The following ABCA1 variants were observed in gnomAD, a reference collection of about 807,000 sequenced individuals.
ABCA1 encodes the protein phospholipid-transporting ATPase ABCA1.
In ABCA1, 133 loss-of-function variants were observed where a neutral mutation model predicts 262.5. That is an observed-to-expected ratio of 0.51 (90% CI 0.44 to 0.59). The LOEUF is 0.59. Among genes scored for constraint, ABCA1 ranks in the 20% least tolerant of loss-of-function variants. The pLI, the probability that ABCA1 is intolerant of heterozygous loss-of-function variation, is 0.00. For missense variants in ABCA1, 2,452 were observed against 2,777.5 expected (o/e 0.88, Z 2.63); for synonymous variants, 1,022 against 1,043.5 (o/e 0.98, Z 0.40).
At position 104,836,989 on chromosome 9, in the gene ABCA1, G is replaced by C. The variant is rs372030899; in HGVS notation, c.1302C>G (p.Asp434Glu). 3 of 1,613,468 alleles carry C rather than the reference G, an allele frequency of 1.9e-6. No individual in the cohort carries two copies. The highest frequency in any genetic ancestry group is 2.5e-6 in the Non-Finnish European group (3 of 1,179,398). The change falls in exon 11 of 50, where the codon GAC (aspartate) becomes GAG (glutamate). Residue 434 changes from aspartate to glutamate, a missense_variant. Physicochemically the swap from Asp to Glu is conservative, Grantham distance 45. This residue lies in a region of ABCA1 where 1,032 missense variants were observed against 1,089.7 expected (regional missense o/e 0.95). Coordinates refer to ENST00000374736, the MANE Select transcript of ABCA1 (RefSeq NM_005502.4). ...WTFMENSQEM[D>E]LVRMLLDSRD... ...TGGGAGGGACACTCACCCGGACAAGGTCCATTTCTTGGCTGTTCTCCATGA... is the reference window on the plus strand; with the variant it reads ...TGGGAGGGACACTCACCCGGACAAGCTCCATTTCTTGGCTGTTCTCCATGA...
At position 104,808,122 on chromosome 9, in the gene ABCA1, A is replaced by C. The variant is rs536486219; in HGVS notation, c.4274+1344T>G. Among the ~76,000 whole-genome samples, 8 of 152,076 alleles carry C rather than the reference A, an allele frequency of 5.3e-5. No homozygotes were observed. In the South Asian group the frequency reaches 1.5e-3, roughly 28 times the overall value. ...CTGTCAAATTTCCTTCAGGTCCACC[A>C]TTTTTTTGCAAAACCTAAAAATTTG... On this transcript the variant is annotated intron_variant, in intron 30 of 49. Coordinates refer to ENST00000374736, the MANE Select transcript of ABCA1 (RefSeq NM_005502.4).
chr9:104,804,561 T>C lies in ABCA1; in HGVS notation c.4559+65A>G, dbSNP rs531928903. On this transcript the variant is annotated intron_variant, in intron 32 of 49. Transcript: ENST00000374736. The stretch of plus-strand genomic sequence containing the variant: ...TTCCCCCACTGTTTCAGTCTGTTAT[T>C]TGTAGGTCTTTAATTCCTCTAATTA... The C allele has an allele frequency of 2.5e-5, 32 of 1,260,326 alleles. No individual in the cohort carries two copies. The African/African-American group carries it at 4.1e-4, about 16-fold the overall frequency. 78.1% of individuals were successfully genotyped at this position (1,260,326 alleles called of 1,614,324 possible).
At chr9:104,832,801 TA>T (rs764698044) in intron 11 of ABCA1, 30 bp from the exon 12 acceptor site, 1 of 1,604,790 alleles carries the variant, frequency 6.2e-7, no homozygotes, top group Non-Finnish European at 8.5e-7. Context: ...GTACAAGTAG[TA>T]AACACCAACT....
At chr9:104,848,174 T>G (rs1656802966) in intron 7 of ABCA1, among the ~76,000 whole-genome samples, 1 of 152,228 alleles carries the variant, frequency 6.6e-6, no homozygotes, top group African/African-American at 2.4e-5. Context: ...AGAAGTGACT[T>G]AATTTAAAAA....
intron 5 of ABCA1, among the ~76,000 whole-genome samples, chr9:104,880,163 A>C (rs1838503668): frequency 6.6e-6 from 1 of 152,196 alleles, no homozygotes; most frequent in South Asian, 2.1e-4. Flanking sequence ...ACAAAGCTCC[A>C]AACCAGATCA....
chr9:104,874,445 A>T (rs1330292578), intron 5 of ABCA1, among the ~76,000 whole-genome samples: 1 of 152,104 alleles, frequency 6.6e-6, no homozygotes, highest in Non-Finnish European at 1.5e-5. Context: ...AGTGCCTGTA[A>T]TCCCAGCTAT....
chr9:104,860,551 C>T (rs2472437), intron 6 of ABCA1, among the ~76,000 whole-genome samples: 58,080 of 151,798 alleles, frequency 0.38, 12,986 homozygotes, highest in African/African-American at 0.63. Flanking sequence ...TATGCAGACA[C>T]GAGATAGGGG....
chr9:104,802,042 T>C lies in ABCA1; in HGVS notation c.4698+12A>G, dbSNP rs752916366. On this transcript the variant is annotated intron_variant, in intron 34 of 49. Transcript: ENST00000374736. ...CCCATTTTTCTGATACATCTTACGA[T>C]AGATATTTTACCTTGGCCAGCTTTA... is the stretch of plus-strand genomic sequence containing the variant. 1.2e-5 allele frequency: 19 copies of C among 1,612,590 alleles called. No homozygotes were observed. The highest frequency in any genetic ancestry group is 5.0e-5 in the Admixed American group (3 of 60,006).
intron 18 of ABCA1, 115 bp downstream of exon 18, chr9:104,824,350 C>T: frequency 2.6e-6 from 4 of 1,550,538 alleles, no homozygotes; most frequent in Non-Finnish European, 3.5e-6. Flanking sequence ...GATTTCTCTG[C>T]CCCTGGAGTG....
chr9:104,786,320 T>C lies in ABCA1; in HGVS notation c.6379A>G (p.Ser2127Gly), dbSNP rs1201534366. Reference sequence around the variant, plus strand: ...TACCTATTTTTTAGATGCTGGACACTGCCAAGGCACCTGAACCTTCCATTG... The same window carrying C: ...TACCTATTTTTTAGATGCTGGACACCGCCAAGGCACCTGAACCTTCCATTG... ...MVNGRFRCLG[S>G]VQHLKNRFGD... is the part of the protein sequence containing the mutation. The change falls in exon 48 of 50, where the codon AGT becomes GGT. Residue 2127 changes from serine to glycine, a missense_variant. Physicochemically the swap from Ser to Gly is moderately conservative, Grantham distance 56 (BLOSUM62 0). This residue lies in a region of ABCA1 where 752 missense variants were observed against 944.5 expected (regional missense o/e 0.80). Transcript: ENST00000374736. The C allele has an allele frequency of 1.4e-5, 22 of 1,614,000 alleles. No homozygotes were observed. The highest frequency in any genetic ancestry group is 2.7e-5 in the African/African-American group (2 of 74,938).
intron 2 of ABCA1, among the ~76,000 whole-genome samples, chr9:104,891,081 G>A (rs1252304394): frequency 6.6e-6 from 1 of 152,088 alleles, no homozygotes; most frequent in Non-Finnish European, 1.5e-5. Context: ...AACATGTCCT[G>A]TAATGTCTAC....
At chr9:104,923,576 A>G (rs1842263673) in intron 1 of ABCA1, among the ~76,000 whole-genome samples, 1 of 152,224 alleles carries the variant, frequency 6.6e-6, no homozygotes, top group East Asian at 1.9e-4. Context: ...CATCCTTGAA[A>G]AGCTCCCTGG....
chr9:104,815,832 TAAGTA>T (rs1831703169), intron 25 of ABCA1, among the ~76,000 whole-genome samples: 1 of 152,170 alleles, frequency 6.6e-6, no homozygotes, highest in African/African-American at 2.4e-5. Flanking sequence ...ACACTGTACT[TAAGTA>T]AAGAGGCTCA....
intron 40 of ABCA1, among the ~76,000 whole-genome samples, chr9:104,794,185 A>G (rs909335531): frequency 2.0e-5 from 3 of 152,212 alleles, no homozygotes; most frequent in Admixed American, 6.5e-5. Context: ...TCTCAATGCT[A>G]TCAGAGACAC....
At position 104,825,869 on chromosome 9, in the gene ABCA1, C is replaced by G; in HGVS notation, c.2356G>C (p.Ala786Pro). The G allele has an allele frequency of 5.6e-6, 9 of 1,614,130 alleles. No individual in the cohort carries two copies. Among genetic ancestry groups the G allele is most frequent in the Non-Finnish European group, 7.6e-6 (9 of 1,180,038 alleles). ...AAGTACTCACAGCCAAACCCAAAAG[C>G]CACAGGAGACAGCAGGCTCTGTGAG... ...KIFASLLSPV[A>P]FGFGCEYFAL... is the part of the protein sequence containing the mutation. Residue 786 changes from alanine to proline, a missense_variant, in exon 17 of 50, where the codon GCT becomes CCT. By Grantham distance (27) the Ala-to-Pro change is conservative. Transcript: ENST00000374736.
chr9:104,922,241 C>G lies in ABCA1; in HGVS notation c.-93+5694G>C, dbSNP rs578127876. ...CAATTTTATGTAAGCTTTTCATTCTCTGGCCTCAAGTATTTCTAAAATGTA... is the reference window on the plus strand; with the variant it reads ...CAATTTTATGTAAGCTTTTCATTCTGTGGCCTCAAGTATTTCTAAAATGTA... On this transcript the variant is annotated intron_variant, in intron 1 of 49. Transcript: ENST00000374736. 2.0e-5 allele frequency among the ~76,000 whole-genome samples: 3 copies of G among 152,340 alleles called. No individual in the cohort carries two copies. In the East Asian group the frequency reaches 5.8e-4, roughly 29 times the overall value.
At chr9:104,906,415 T>C (rs1450125723) in intron 1 of ABCA1, among the ~76,000 whole-genome samples, 1 of 151,858 alleles carries the variant, frequency 6.6e-6, no homozygotes, top group African/African-American at 2.4e-5. Context: ...AGTGTCTGGG[T>C]TTCAAGAAAA....
rs78101606 is a variant in ABCA1 at position 104,802,303 on chromosome 9, G to A, written c.4593-144C>T. ...AAATTTTGCCTCAGAGAAGTTACAC[G>A]TCAGCTTCCTCTAATAAATGTTGGC... On this transcript the variant is annotated intron_variant, in intron 33 of 49. Coordinates refer to ENST00000374736, the MANE Select transcript of ABCA1 (RefSeq NM_005502.4). The A allele has an allele frequency of 4.8e-3, 3,581 of 753,148 alleles. 54 individuals carry two copies. The highest frequency in any genetic ancestry group is 0.036 in the African/African-American group (2,097 of 57,956). 46.7% of individuals were successfully genotyped at this position (753,148 alleles called of 1,614,324 possible).
At chr9:104,813,019 C>A (rs977906607) in intron 27 of ABCA1, among the ~76,000 whole-genome samples, 3 of 152,190 alleles carry the variant, frequency 2.0e-5, no homozygotes, top group African/African-American at 7.2e-5. Flanking sequence ...GCCAGCCATT[C>A]GGATGAATCA....
Sources: gnomAD v4.1 joint callset for allele counts (sites outside exome capture counted in the v4.1 genomes callset) on GRCh38, gnomAD v4.1.1 for gene constraint, gnomAD v4.1.1 regional missense constraint, MANE v1.5 for transcripts, NCBI Gene and HGNC (gene_info 2026-07-23, HGNC 2026-07-21) for gene names.